Variants in TOPBP1 observed in about 807,000 individuals in gnomAD.
TOPBP1 encodes the protein DNA topoisomerase II binding protein 1, also known as DNA topoisomerase 2-binding protein 1.
Under a neutral mutation model 167.7 loss-of-function variants are expected in TOPBP1, and 28 were observed. That is an observed-to-expected ratio of 0.17 (90% CI 0.12 to 0.23). TOPBP1 has a LOEUF of 0.23. TOPBP1 is among the 10% of genes least tolerant of loss of function. TOPBP1 has a pLI of 1.00. For missense variants in TOPBP1, 1,554 were observed against 1,809.6 expected, an observed-to-expected ratio of 0.86 and a Z score of 2.56; for synonymous variants, 598 against 611.4, an observed-to-expected ratio of 0.98 and a Z score of 0.32.
chr3:133,659,022 G>A lies in TOPBP1; in HGVS notation c.213C>T (p.Leu71=). Residue 71 remains leucine, a synonymous_variant, in exon 3 of 28, where the codon CTC becomes CTT. Transcript: ENST00000260810. The part of the protein sequence containing the change: ...DPFSGVVFDH[L]KKLGCRIVGP... Reference sequence around the variant, plus strand: ...ACACTAGAAGTCAGCAAACCTTTTTGAGGTGATCAAAGACAACGCCACTAA... The same window carrying A: ...ACACTAGAAGTCAGCAAACCTTTTTAAGGTGATCAAAGACAACGCCACTAA... 1 of 1,596,814 alleles carries A rather than the reference G, an allele frequency of 6.3e-7. No individual in the cohort carries two copies. Among genetic ancestry groups the A allele is most frequent in the East Asian group, 2.2e-5 (1 of 44,588 alleles).
intron 14 of TOPBP1, among the ~76,000 whole-genome samples, chr3:133,632,926 C>T (rs1935537695): frequency 6.6e-6 from 1 of 152,178 alleles, no homozygotes. Flanking sequence ...ACGTGCACCA[C>T]CACACCCAGC....
At position 133,630,578 on chromosome 3, in the gene TOPBP1, G is replaced by T. The variant is rs1231204360; in HGVS notation, c.2521-1845C>A. ...CTCCCAAAGTGCTGGGATTACAGGT[G>T]TGAGTCACGGTGACTCGCTGTAATT... On this transcript the variant is annotated intron_variant, in intron 14 of 27. Transcript: ENST00000260810. 2.6e-5 allele frequency among the ~76,000 whole-genome samples: 4 copies of T among 151,864 alleles called. No individual in the cohort carries two copies. The East Asian group carries it at 7.7e-4, about 29-fold the overall frequency.
intron 14 of TOPBP1, among the ~76,000 whole-genome samples, chr3:133,629,504 C>T (rs950808159): frequency 3.4e-4 from 52 of 152,268 alleles, no homozygotes; most frequent in African/African-American, 1.2e-3. Context: ...AGCAAGAAGA[C>T]AGCTCAAGAC....
At chr3:133,603,642 A>G (rs1484061471) in intron 27 of TOPBP1, among the ~76,000 whole-genome samples, 1 of 152,210 alleles carries the variant, frequency 6.6e-6, no homozygotes. Flanking sequence ...TGTGAAAATC[A>G]AAGAAATTAT....
chr3:133,657,381 C>CTTT (rs11341315), intron 4 of TOPBP1, among the ~76,000 whole-genome samples: 1 of 130,074 alleles, frequency 7.7e-6, no homozygotes, highest in Non-Finnish European at 1.6e-5. Context: ...TCTTAGAATG[C>CTTT]TTTTTTTTTT....
chr3:133,656,613 T>C, intron 5 of TOPBP1, 63 bp downstream of exon 5: 1 of 1,495,112 alleles, frequency 6.7e-7, no homozygotes, highest in Non-Finnish European at 9.0e-7. Flanking sequence ...GTATATCACA[T>C]GCCAAAAATG....
intron 10 of TOPBP1, 65 bp from the exon 11 acceptor site, chr3:133,644,428 G>C (rs1173237850): frequency 7.5e-7 from 1 of 1,338,322 alleles, no homozygotes; most frequent in African/African-American, 1.5e-5. Flanking sequence ...TTCCTAGCAA[G>C]GATATTAACG....
rs1935950739 is a variant in TOPBP1 at position 133,643,150 on chromosome 3, T to G, written c.2021+50A>C. ...TTGAATGCTCTCCAAGAAGTCAAAA[T>G]AAATAAAAAGATACACCAATACAAC... On this transcript the variant is annotated intron_variant, in intron 12 of 27. Coordinates refer to ENST00000260810, the MANE Select transcript of TOPBP1 (RefSeq NM_007027.4). 2.1e-6 allele frequency: 3 copies of G among 1,442,810 alleles called. No individual in the cohort carries two copies. In the East Asian group the frequency reaches 7.6e-5, roughly 37 times the overall value. The allele number at this position is 1,442,810 out of a possible 1,614,324, so 89.4% of individuals were successfully genotyped here.
chr3:133,605,126 G>C (rs1289442018), intron 27 of TOPBP1, among the ~76,000 whole-genome samples: 6 of 151,188 alleles, frequency 4.0e-5, no homozygotes, highest in African/African-American at 1.5e-4. Context: ...TTGAGCACAG[G>C]AAGTGGAGAT....
intron 14 of TOPBP1, among the ~76,000 whole-genome samples, chr3:133,630,749 T>C (rs1935446043): frequency 6.6e-6 from 1 of 152,166 alleles, no homozygotes; most frequent in South Asian, 2.1e-4. Flanking sequence ...TCACACCCAG[T>C]TAGAGAATTT....
chr3:133,622,979 C>A, intron 19 of TOPBP1, 112 bp downstream of exon 19: 1 of 590,542 alleles, frequency 1.7e-6, no homozygotes, highest in Non-Finnish European at 2.9e-6. Context: ...AGGATCCTTT[C>A]AGCCCAGGAG....
chr3:133,644,357 G>C lies in TOPBP1; in HGVS notation c.1511C>G (p.Ala504Gly), dbSNP rs1478873115. 4.5e-6 allele frequency: 7 copies of C among 1,559,868 alleles called. No individual in the cohort carries two copies. The highest frequency in any genetic ancestry group is 6.0e-6 in the Non-Finnish European group (7 of 1,157,380). Residue 504 changes from alanine to glycine, a missense_variant, in exon 11 of 28, where the codon GCT becomes GGT. Coordinates refer to ENST00000260810, the MANE Select transcript of TOPBP1 (RefSeq NM_007027.4). ...YENGSSTVVE[A>G]KTSEARPFND... Reference sequence around the variant, plus strand: ...AAAGGGCCTGGCTTCAGACGTCTTAGCCTCAACTGAAAGAGAAAAGTAAAT... The same window carrying C: ...AAAGGGCCTGGCTTCAGACGTCTTACCCTCAACTGAAAGAGAAAAGTAAAT...
intron 3 of TOPBP1, among the ~76,000 whole-genome samples, chr3:133,658,529 C>T (rs1936565705): frequency 6.6e-6 from 1 of 151,852 alleles, no homozygotes; most frequent in Non-Finnish European, 1.5e-5. Flanking sequence ...CTGAAAACTG[C>T]CTTACTGCTT....
intron 14 of TOPBP1, among the ~76,000 whole-genome samples, chr3:133,632,251 A>G (rs1039874957): frequency 1.3e-5 from 2 of 151,752 alleles, no homozygotes; most frequent in Admixed American, 6.6e-5. Context: ...CTGAAAATAC[A>G]AAAATTAGCC....
At chr3:133,604,856 T>C (rs1217937423) in intron 27 of TOPBP1, among the ~76,000 whole-genome samples, 1 of 151,558 alleles carries the variant, frequency 6.6e-6, no homozygotes, top group Non-Finnish European at 1.5e-5. Flanking sequence ...GAGGTGGAGG[T>C]TGCAGTGAGC....
chr3:133,661,049 G>A lies in TOPBP1; in HGVS notation c.79C>T (p.Leu27Phe), dbSNP rs1231880580. 1.9e-6 allele frequency: 3 copies of A among 1,580,402 alleles called. No homozygotes were observed. Among genetic ancestry groups the A allele is most frequent in the African/African-American group, 2.7e-5 (2 of 72,892 alleles). ...SDNSKCFFKALESIKEFQSEE... is the reference protein window; with the variant it reads ...SDNSKCFFKAFESIKEFQSEE... ...AAGATGTTTTCAACTCTTACCTCGA[G>A]AGCTTTAAAAAAACATTTGGAATTG... Residue 27 changes from leucine to phenylalanine, a missense_variant, in exon 2 of 28, where the codon CTC (leucine) becomes TTC (phenylalanine). Around this residue, in one of 3 missense-constraint regions of TOPBP1, gnomAD observed 1,197 missense variants for 1,351.5 expected, o/e 0.89. Coordinates refer to ENST00000260810, the MANE Select transcript of TOPBP1 (RefSeq NM_007027.4).
At chr3:133,650,494 C>G (rs533991753) in intron 8 of TOPBP1, among the ~76,000 whole-genome samples, 2 of 151,840 alleles carry the variant, frequency 1.3e-5, no homozygotes, top group African/African-American at 4.8e-5. Flanking sequence ...GTTGACTGAA[C>G]AAAAAATATA....
chr3:133,660,281 A>G (rs1162698602), intron 2 of TOPBP1, among the ~76,000 whole-genome samples: 3 of 152,246 alleles, frequency 2.0e-5, no homozygotes, highest in Non-Finnish European at 2.9e-5. Context: ...ATCCTCTGGA[A>G]CCCCTTAACG....
At chr3:133,645,875 G>A (rs772679495) in intron 10 of TOPBP1, among the ~76,000 whole-genome samples, 6 of 152,148 alleles carry the variant, frequency 3.9e-5, no homozygotes, top group Non-Finnish European at 8.8e-5. Context: ...AGGGCCGGGC[G>A]CGGTGGCTCA....
Sources: allele counts gnomAD v4.1 joint callset (sites outside exome capture counted in the v4.1 genomes callset), GRCh38; gene constraint gnomAD v4.1.1; regional missense constraint gnomAD v4.1.1; transcripts MANE v1.5; gene names NCBI Gene and HGNC (gene_info 2026-07-23, HGNC 2026-07-21).